Variants in CCNY observed in about 807,000 individuals in gnomAD.
CCNY encodes the protein cyclin-Y.
In CCNY, 19 loss-of-function variants were observed where a neutral mutation model predicts 42.8. The ratio of observed to expected loss-of-function variants is 0.44; its 90% CI spans 0.31 to 0.65. CCNY has a LOEUF of 0.65. Ranked by LOEUF, CCNY falls within the 30% of genes least tolerant of loss-of-function variation. The pLI, the probability that CCNY is intolerant of heterozygous loss-of-function variation, is 0.07. For missense variants in CCNY, 370 were observed against 437.3 expected, an observed-to-expected ratio of 0.85 and a Z score of 1.37; for synonymous variants, 165 against 162.7, an observed-to-expected ratio of 1.01 and a Z score of -0.11.
At chr10:35,527,386 T>C (rs1840673778) in intron 5 of CCNY, among the ~76,000 whole-genome samples, 1 of 152,246 alleles carries the variant, frequency 6.6e-6, no homozygotes, top group South Asian at 2.1e-4. Context: ...TATTTCTCAG[T>C]ACTTACTTAG....
At chr10:35,359,587 C>T (rs958281664) in intron 1 of CCNY, among the ~76,000 whole-genome samples, 9 of 151,944 alleles carry the variant, frequency 5.9e-5, no homozygotes, top group Non-Finnish European at 8.8e-5. Flanking sequence ...GCGATCTGCG[C>T]GCCTTGGCCT....
At chr10:35,465,154 T>C (rs1002179128) in intron 1 of CCNY, among the ~76,000 whole-genome samples, 24 of 152,226 alleles carry the variant, frequency 1.6e-4, no homozygotes, top group African/African-American at 5.8e-4. Flanking sequence ...ATCATTCTTT[T>C]ATGTTCCTTT....
intron 2 of CCNY, among the ~76,000 whole-genome samples, chr10:35,495,244 T>G (rs1839982602): frequency 6.6e-6 from 1 of 152,236 alleles, no homozygotes. Context: ...TGGCTCTGTA[T>G]TTTCCAAATT....
intron 1 of CCNY, among the ~76,000 whole-genome samples, chr10:35,474,714 A>C (rs1489596790): frequency 2.0e-5 from 3 of 152,058 alleles, no homozygotes; most frequent in African/African-American, 7.2e-5. Context: ...GAACAGAAAA[A>C]CTGGAAACTC....
At chr10:35,368,993 G>A (rs1836871102) in intron 1 of CCNY, among the ~76,000 whole-genome samples, 1 of 152,184 alleles carries the variant, frequency 6.6e-6, no homozygotes, top group African/African-American at 2.4e-5. Flanking sequence ...CTTTTCTGGT[G>A]TACAGGAAGG....
chr10:35,308,342 C>A (rs1334989599), intron 3 of CCNY, among the ~76,000 whole-genome samples: 1 of 151,868 alleles, frequency 6.6e-6, no homozygotes, highest in Non-Finnish European at 1.5e-5. Context: ...CGCCTGAGCC[C>A]AGGAGTTCAA....
At chr10:35,328,454 A>G (rs1835904036) in intron 3 of CCNY, among the ~76,000 whole-genome samples, 1 of 152,208 alleles carries the variant, frequency 6.6e-6, no homozygotes, top group Admixed American at 6.5e-5. Flanking sequence ...ATCAACATTC[A>G]TTAAAACGTA....
At chr10:35,292,969 AG>A (rs1488423456) in intron 3 of CCNY, among the ~76,000 whole-genome samples, 1 of 151,518 alleles carries the variant, frequency 6.6e-6, no homozygotes, top group African/African-American at 2.4e-5. Flanking sequence ...TATTAAAGAC[AG>A]GGTTTCACCA....
intron 1 of CCNY, among the ~76,000 whole-genome samples, chr10:35,346,481 G>A (rs535269863): frequency 1.9e-4 from 29 of 152,364 alleles, no homozygotes; most frequent in Middle Eastern, 3.4e-3. Context: ...GTCTCTTGAT[G>A]ACTCTGGCAG....
At chr10:35,345,361 C>T (rs1383654870) in intron 1 of CCNY, among the ~76,000 whole-genome samples, 2 of 151,326 alleles carry the variant, frequency 1.3e-5, no homozygotes, top group African/African-American at 2.4e-5. Flanking sequence ...CCCAGCTACT[C>T]AGGAGGCTGA....
At chr10:35,318,296 CAG>C (rs1162360296) in intron 3 of CCNY, among the ~76,000 whole-genome samples, 1 of 152,048 alleles carries the variant, frequency 6.6e-6, no homozygotes, top group Non-Finnish European at 1.5e-5. Context: ...GGCAAGAAAG[CAG>C]AGTTGTGACC....
intron 1 of CCNY, among the ~76,000 whole-genome samples, chr10:35,350,177 G>A (rs1836396885): frequency 6.6e-6 from 1 of 152,132 alleles, no homozygotes; most frequent in African/African-American, 2.4e-5. Flanking sequence ...AATGGGTGGT[G>A]GGGTAGCTTT....
chr10:35,453,836 C>T (rs889882540), intron 1 of CCNY, among the ~76,000 whole-genome samples: 2 of 151,602 alleles, frequency 1.3e-5, no homozygotes, highest in Non-Finnish European at 2.9e-5. Flanking sequence ...AAACTAAGAC[C>T]TATAGTAAAA....
chr10:35,501,505 A>T lies in CCNY; in HGVS notation c.234A>T (p.Arg78Ser), dbSNP rs1267981130. The change falls in exon 3 of 10, where the codon AGA (arginine) becomes AGT (serine). Residue 78 changes from arginine to serine, a missense_variant. Coordinates refer to ENST00000374704, the MANE Select transcript of CCNY (RefSeq NM_145012.6). ...TTGCATCTTTTGTTTTCACAGTGAG[A>T]GAAAAACGCAAGAGTCTCTTCATTA... ...IFLSKSQTDV[R>S]EKRKSLFINH... The T allele has an allele frequency of 6.2e-7, 1 of 1,613,742 alleles. No individual in the cohort carries two copies. The highest frequency in any genetic ancestry group is 1.1e-5 in the South Asian group (1 of 91,070).
intron 1 of CCNY, among the ~76,000 whole-genome samples, chr10:35,407,439 G>A (rs942403526): frequency 2.6e-5 from 4 of 152,010 alleles, no homozygotes; most frequent in African/African-American, 7.3e-5. Context: ...GATTTGGGAC[G>A]ACTCTCATTG....
chr10:35,296,152 CAGA>C (rs1244892661), intron 3 of CCNY, among the ~76,000 whole-genome samples: 1 of 152,114 alleles, frequency 6.6e-6, no homozygotes, highest in East Asian at 1.9e-4. Context: ...CCAAATCTAG[CAGA>C]AGACCAGAAA....
chr10:35,395,705 G>C (rs1396271556), intron 1 of CCNY, among the ~76,000 whole-genome samples: 2 of 152,234 alleles, frequency 1.3e-5, no homozygotes, highest in African/African-American at 4.8e-5. Flanking sequence ...AGAGCCTTCA[G>C]AGCAGTCCGA....
chr10:35,260,280 A>G (rs1318842510), intron 3 of CCNY, among the ~76,000 whole-genome samples: 1 of 152,164 alleles, frequency 6.6e-6, no homozygotes, highest in East Asian at 1.9e-4. Flanking sequence ...CTCTTGAATC[A>G]TGGGACTTAC....
chr10:35,457,360 A>C (rs1024195441), intron 1 of CCNY, among the ~76,000 whole-genome samples: 3 of 152,090 alleles, frequency 2.0e-5, no homozygotes, highest in Non-Finnish European at 4.4e-5. Context: ...ACTTGTGGTC[A>C]TATTGTCCAC....
Sources: allele counts gnomAD v4.1 joint callset (sites outside exome capture counted in the v4.1 genomes callset), GRCh38; gene constraint gnomAD v4.1.1; transcripts MANE v1.5; gene names NCBI Gene and HGNC (gene_info 2026-07-23, HGNC 2026-07-21).